Variants in CFAP299 observed in about 807,000 individuals in gnomAD.
CFAP299 encodes cilia and flagella associated protein 299, also known as cilia- and flagella-associated protein 299.
A neutral mutation model predicts 27.0 loss-of-function variants in CFAP299; 21 were observed. That is an observed-to-expected ratio of 0.78 (90% CI 0.55 to 1.12). The LOEUF is 1.12. CFAP299 is among the 50% of genes most tolerant of loss of function. The probability of loss-of-function intolerance (pLI) is 0.00; values close to 1 mark genes in which losing one functional copy is unlikely to be tolerated. For synonymous variants in CFAP299, 104 were observed against 98.1 expected (o/e 1.06, Z -0.36); for missense variants, 310 against 276.6 (o/e 1.12, Z -0.86).
At chr4:80,739,429 A>C (rs1724122877) in intron 3 of CFAP299, among the ~76,000 whole-genome samples, 1 of 152,086 alleles carries the variant, frequency 6.6e-6, no homozygotes, top group South Asian at 2.1e-4. Flanking sequence ...TGGATATACT[A>C]TTCTAGGGTA....
At chr4:80,772,059 T>A (rs1368180097) in intron 3 of CFAP299, among the ~76,000 whole-genome samples, 1 of 152,210 alleles carries the variant, frequency 6.6e-6, no homozygotes, top group African/African-American at 2.4e-5. Context: ...CAGGTTATTA[T>A]GAACAGCTCT....
chr4:80,881,571 G>A (rs1490322606), intron 4 of CFAP299, among the ~76,000 whole-genome samples: 2 of 152,148 alleles, frequency 1.3e-5, no homozygotes, highest in Admixed American at 6.5e-5. Flanking sequence ...CCTCTATCTT[G>A]CCTCATATTA....
chr4:80,406,429 A>C (rs1303861360), intron 2 of CFAP299, among the ~76,000 whole-genome samples: 1 of 152,182 alleles, frequency 6.6e-6, no homozygotes, highest in African/African-American at 2.4e-5. Context: ...ACAGTGATAT[A>C]ATCATGGTTC....
At chr4:80,907,421 C>A (rs1044664741) in intron 4 of CFAP299, among the ~76,000 whole-genome samples, 2 of 152,180 alleles carry the variant, frequency 1.3e-5, no homozygotes, top group Non-Finnish European at 2.9e-5. Context: ...TATAGCAGCA[C>A]CCCACTCCCC....
chr4:80,488,026 G>A (rs761434206), intron 2 of CFAP299, among the ~76,000 whole-genome samples: 2 of 152,038 alleles, frequency 1.3e-5, no homozygotes, highest in Non-Finnish European at 2.9e-5. Flanking sequence ...ACCACAAATA[G>A]GCTTGATACC....
chr4:80,578,550 TAAA>T (rs1413602880), intron 2 of CFAP299, among the ~76,000 whole-genome samples: 2 of 152,136 alleles, frequency 1.3e-5, no homozygotes, highest in Non-Finnish European at 2.9e-5. Context: ...TGCATAATAA[TAAA>T]AGAAGAACAG....
At chr4:80,652,887 C>T (rs144090025) in intron 3 of CFAP299, among the ~76,000 whole-genome samples, 9 of 152,240 alleles carry the variant, frequency 5.9e-5, no homozygotes, top group African/African-American at 1.2e-4. Context: ...GCAAAGTTGA[C>T]GTGCCTATGC....
chr4:80,641,614 G>A (rs1739732287), intron 3 of CFAP299, among the ~76,000 whole-genome samples: 1 of 152,120 alleles, frequency 6.6e-6, no homozygotes, highest in Admixed American at 6.6e-5. Flanking sequence ...CATATATTAT[G>A]CACAAAATAT....
At chr4:80,696,498 CAAAT>C (rs1721103069) in intron 3 of CFAP299, among the ~76,000 whole-genome samples, 1 of 151,706 alleles carries the variant, frequency 6.6e-6, no homozygotes, top group Non-Finnish European at 1.5e-5. Flanking sequence ...GACAGAAAAA[CAAAT>C]AAAAATAATA....
At chr4:80,414,659 T>A (rs2110064422) in intron 2 of CFAP299, among the ~76,000 whole-genome samples, 1 of 152,324 alleles carries the variant, frequency 6.6e-6, no homozygotes, top group Non-Finnish European at 1.5e-5. Flanking sequence ...AGGGGGCTGC[T>A]ACGGCTAAAG....
chr4:80,672,944 C>CAAA (rs56871831), intron 3 of CFAP299, among the ~76,000 whole-genome samples: 1 of 144,414 alleles, frequency 6.9e-6, no homozygotes. Context: ...TTGATCTTTT[C>CAAA]AAAAAAAAAA....
At chr4:80,490,841 A>T (rs976056579) in intron 2 of CFAP299, among the ~76,000 whole-genome samples, 1 of 152,168 alleles carries the variant, frequency 6.6e-6, no homozygotes, top group African/African-American at 2.4e-5. Flanking sequence ...TGCAGAAGGG[A>T]TTACTGTCTT....
intron 2 of CFAP299, among the ~76,000 whole-genome samples, chr4:80,484,394 G>A (rs1560588249): frequency 1.3e-5 from 2 of 152,008 alleles, no homozygotes; most frequent in African/African-American, 2.4e-5. Context: ...TAGAAGTGCC[G>A]ACTTTACATT....
At chr4:80,523,623 A>G (rs1046612513) in intron 2 of CFAP299, among the ~76,000 whole-genome samples, 1 of 152,100 alleles carries the variant, frequency 6.6e-6, no homozygotes, top group African/African-American at 2.4e-5. Flanking sequence ...AAAAAATATG[A>G]AGGAAGGGTG....
the CFAP299 span, among the ~76,000 whole-genome samples, chr4:80,327,468 G>A: frequency 2.0e-5 from 3 of 151,688 alleles, no homozygotes; most frequent in Non-Finnish European, 4.4e-5. Context: ...GGATTTAAAC[G>A]GGAGAGTGAC....
intron 2 of CFAP299, among the ~76,000 whole-genome samples, chr4:80,571,512 G>A (rs766125575): frequency 2.0e-5 from 3 of 152,098 alleles, no homozygotes; most frequent in Non-Finnish European, 4.4e-5. Context: ...GCAAGAAAGT[G>A]TATGTAGAAA....
At chr4:80,865,759 G>T (rs1204500990) in intron 3 of CFAP299, among the ~76,000 whole-genome samples, 5 of 151,790 alleles carry the variant, frequency 3.3e-5, no homozygotes, top group Admixed American at 3.3e-4. Context: ...ATGAGTTCGT[G>T]TCCTTTGTAG....
intron 5 of CFAP299, among the ~76,000 whole-genome samples, chr4:80,946,370 A>T (rs1248006802): frequency 6.6e-6 from 1 of 152,136 alleles, no homozygotes; most frequent in Non-Finnish European, 1.5e-5. Context: ...AAATAACCAC[A>T]TTCAAAACAT....
chr4:80,602,285 G>A (rs1164292194), intron 3 of CFAP299, among the ~76,000 whole-genome samples: 2 of 152,182 alleles, frequency 1.3e-5, no homozygotes, highest in African/African-American at 2.4e-5. Context: ...AGAAATGCTA[G>A]ATATGAGCTT....
Sources: allele counts gnomAD v4.1 joint callset (sites outside exome capture counted in the v4.1 genomes callset), GRCh38; gene constraint gnomAD v4.1.1; transcripts MANE v1.5; gene names NCBI Gene and HGNC (gene_info 2026-07-23, HGNC 2026-07-21).